The following FGF14 variants were observed in gnomAD, a reference collection of about 807,000 sequenced individuals.
The protein encoded by FGF14 is fibroblast growth factor 14, also known as fibroblast growth factor homologous factor 4.
A neutral mutation model predicts 25.5 loss-of-function variants in FGF14; 5 were observed. That is an observed-to-expected ratio of 0.20 (90% CI 0.10 to 0.41). The LOEUF (loss-of-function observed/expected upper bound fraction) is 0.41, where lower values mean the gene tolerates loss of function less well. Among genes scored for constraint, FGF14 ranks in the 10% least tolerant of loss-of-function variants. The pLI is 1.00. For synonymous variants in FGF14, 138 were observed against 118.3 expected (o/e 1.17, Z -1.08); for missense variants, 222 against 320.1 (o/e 0.69, Z 2.34).
chr13:101,786,902 C>A (rs552490426), intron 3 of FGF14, among the ~76,000 whole-genome samples: 2 of 152,224 alleles, frequency 1.3e-5, no homozygotes, highest in South Asian at 2.1e-4. Context: ...TTGAAAAGAA[C>A]CAACTGTCTC....
chr13:101,820,787 CA>C (rs1263676282), intron 3 of FGF14, among the ~76,000 whole-genome samples: 4 of 25,152 alleles, frequency 1.6e-4, no homozygotes, highest in East Asian at 1.2e-3. Context: ...ACCACACACA[CA>C]CACACACACA....
chr13:101,802,511 A>C (rs1254448146), intron 3 of FGF14: 1 of 161,410 alleles, frequency 6.2e-6, no homozygotes, highest in East Asian at 1.8e-4. Context: ...TGTAACTGAC[A>C]CATCTATTTG....
At chr13:102,352,289 A>ACC (rs1555405061) in intron 1 of FGF14, among the ~76,000 whole-genome samples, 7 of 137,654 alleles carry the variant, frequency 5.1e-5, no homozygotes, top group African/African-American at 1.4e-4. Context: ...ACACACACAC[A>ACC]CCTGCAACAT....
chr13:102,158,808 A>G (rs1296107897), intron 1 of FGF14, among the ~76,000 whole-genome samples: 3 of 152,314 alleles, frequency 2.0e-5, no homozygotes, highest in East Asian at 1.9e-4. Context: ...TATAAATTAT[A>G]TAACAGGAAT....
At chr13:101,831,730 C>G (rs1270306786) in intron 3 of FGF14, among the ~76,000 whole-genome samples, 2 of 152,092 alleles carry the variant, frequency 1.3e-5, no homozygotes, top group Non-Finnish European at 2.9e-5. Flanking sequence ...TGTCAATGAG[C>G]TAGAAAGTTG....
intron 1 of FGF14, chr13:102,367,737 G>A (rs2057755841): frequency 1.3e-5 from 2 of 152,190 alleles, no homozygotes; most frequent in East Asian, 3.8e-4. Context: ...AAGTGATCAA[G>A]GATACATGAT....
At chr13:101,978,305 T>G (rs571142666) in intron 1 of FGF14, among the ~76,000 whole-genome samples, 1 of 152,358 alleles carries the variant, frequency 6.6e-6, no homozygotes, top group Admixed American at 6.5e-5. Context: ...ATATTTGATG[T>G]GGCATTTTCT....
At chr13:101,840,179 G>A (rs1201288057) in intron 3 of FGF14, among the ~76,000 whole-genome samples, 2 of 151,982 alleles carry the variant, frequency 1.3e-5, no homozygotes, top group African/African-American at 4.8e-5. Flanking sequence ...AGAAAATACT[G>A]AGTATGTTTA....
intron 1 of FGF14, among the ~76,000 whole-genome samples, chr13:101,892,560 C>T (rs1040533357): frequency 6.6e-6 from 1 of 152,148 alleles, no homozygotes; most frequent in Non-Finnish European, 1.5e-5. Context: ...ATACCCCAAA[C>T]CCAGTGTTAT....
chr13:102,330,106 C>T (rs148573585), intron 1 of FGF14, among the ~76,000 whole-genome samples: 134 of 152,282 alleles, frequency 8.8e-4, no homozygotes, highest in Middle Eastern at 3.4e-3. Context: ...GTGTTTCTGT[C>T]ACTCTAACCC....
intron 1 of FGF14, among the ~76,000 whole-genome samples, chr13:101,968,348 CTTATT>C (rs1244552292): frequency 4.6e-5 from 7 of 152,028 alleles, no homozygotes; most frequent in Admixed American, 4.6e-4. Flanking sequence ...TGTACAAAAT[CTTATT>C]TTAACAGCTA....
intron 1 of FGF14, among the ~76,000 whole-genome samples, chr13:102,191,291 G>C (rs1390037779): frequency 6.6e-6 from 1 of 152,156 alleles, no homozygotes; most frequent in Non-Finnish European, 1.5e-5. Context: ...TGTCCATAGG[G>C]TCTGTGTGCT....
intron 1 of FGF14, among the ~76,000 whole-genome samples, chr13:102,024,745 G>A (rs1444742867): frequency 2.0e-5 from 3 of 151,696 alleles, no homozygotes; most frequent in Non-Finnish European, 2.9e-5. Context: ...AGTTTAGGTC[G>A]ATGATTCAAT....
chr13:102,033,642 A>C (rs1178890835), intron 1 of FGF14, among the ~76,000 whole-genome samples: 2 of 152,140 alleles, frequency 1.3e-5, no homozygotes, highest in Non-Finnish European at 2.9e-5. Flanking sequence ...GATCTGAGCT[A>C]CCCATGCTGA....
At chr13:102,045,159 T>C (rs2140019862) in intron 1 of FGF14, among the ~76,000 whole-genome samples, 1 of 152,256 alleles carries the variant, frequency 6.6e-6, no homozygotes, top group Non-Finnish European at 1.5e-5. Flanking sequence ...TCAAGAGTTG[T>C]CTCAGACACT....
At chr13:102,288,878 C>T (rs2390700) in intron 1 of FGF14, among the ~76,000 whole-genome samples, 4,674 of 152,256 alleles carry the variant, frequency 0.031, 104 homozygotes, top group Non-Finnish European at 0.048. Flanking sequence ...AGCCACCACT[C>T]CTCACCCTCT....
At chr13:102,340,559 A>G (rs1389535003) in intron 1 of FGF14, among the ~76,000 whole-genome samples, 1 of 152,160 alleles carries the variant, frequency 6.6e-6, no homozygotes, top group Non-Finnish European at 1.5e-5. Flanking sequence ...ATCTTTTACC[A>G]TCAGAGATTA....
intron 1 of FGF14, chr13:102,401,379 C>T (rs2058700857): frequency 1.3e-5 from 16 of 1,211,904 alleles, no homozygotes; most frequent in Non-Finnish European, 1.8e-5. Context: ...GTTTCCCCTG[C>T]CTTCCTGCAT....
Position 102,350,883 on chromosome 13 carries a change from A to G in FGF14, c.208+50588T>C, listed in dbSNP as rs527316344. On this transcript the variant is annotated intron_variant, in intron 1 of 4. Transcript: ENST00000376131. ...TTCTACATAAGCGTGGTCACTGGAC[A>G]CGGCCTCCCTCTCACCAAACTCCAG... Among the ~76,000 whole-genome samples, 3 of 152,298 alleles carry G rather than the reference A, an allele frequency of 2.0e-5. No individual in the cohort carries two copies. In the East Asian group the frequency reaches 5.8e-4, roughly 29 times the overall value.
Sources: allele counts gnomAD v4.1 joint callset (sites outside exome capture counted in the v4.1 genomes callset), GRCh38; gene constraint gnomAD v4.1.1; transcripts MANE v1.5; gene names NCBI Gene and HGNC (gene_info 2026-07-23, HGNC 2026-07-21).